Variants in MARCHF1 observed in about 807,000 individuals in gnomAD.
MARCHF1 encodes membrane associated ring-CH-type finger 1.
Under a neutral mutation model 54.2 loss-of-function variants are expected in MARCHF1, and 40 were observed. That is an observed-to-expected ratio of 0.74 (90% confidence interval 0.57 to 0.96). The LOEUF is 0.96. Among genes scored for constraint, MARCHF1 ranks in the 40% least tolerant of loss-of-function variants. The pLI is 0.00. For missense variants in MARCHF1, 586 were observed against 656.5 expected (o/e 0.89, Z 1.17); for synonymous variants, 236 against 236.3 (o/e 1.00, Z 0.01).
At chr4:163,553,032 C>CAAAAAAA (rs778572383) in intron 8 of MARCHF1, among the ~76,000 whole-genome samples, 11 of 64,376 alleles carry the variant, frequency 1.7e-4, no homozygotes, top group East Asian at 4.9e-4. Flanking sequence ...GACTCCGTCT[C>CAAAAAAA]AAAAAAAAAA....
intron 1 of MARCHF1, among the ~76,000 whole-genome samples, chr4:164,272,961 T>C (rs893183306): frequency 1.1e-4 from 17 of 152,058 alleles, no homozygotes; most frequent in Middle Eastern, 3.2e-3. Context: ...CGATTGTACA[T>C]ACATGTTCTT....
intron 1 of MARCHF1, among the ~76,000 whole-genome samples, chr4:164,213,649 T>G (rs917494865): frequency 6.6e-6 from 1 of 152,120 alleles, no homozygotes; most frequent in Non-Finnish European, 1.5e-5. Flanking sequence ...TTTTAAAAAA[T>G]TAAAACCAAA....
At chr4:163,684,048 C>G (rs1487710342) in intron 5 of MARCHF1, among the ~76,000 whole-genome samples, 1 of 152,164 alleles carries the variant, frequency 6.6e-6, no homozygotes, top group Non-Finnish European at 1.5e-5. Flanking sequence ...GCCAGCATAG[C>G]CTTTATGCCT....
chr4:163,750,282 C>T (rs546567539), intron 4 of MARCHF1, among the ~76,000 whole-genome samples: 7 of 151,926 alleles, frequency 4.6e-5, no homozygotes, highest in South Asian at 2.1e-4. Flanking sequence ...GAGGCCGAGG[C>T]GGGCGGATCA....
chr4:163,848,901 T>C (rs1188700472), intron 4 of MARCHF1, among the ~76,000 whole-genome samples: 2 of 152,126 alleles, frequency 1.3e-5, no homozygotes. Context: ...ATCAGGTCAG[T>C]TATGGAGAAT....
At chr4:163,558,001 G>A (rs2110965346) in intron 8 of MARCHF1, among the ~76,000 whole-genome samples, 1 of 152,258 alleles carries the variant, frequency 6.6e-6, no homozygotes, top group South Asian at 2.1e-4. Context: ...AAAGTCTTCT[G>A]ATACTTGAGC....
chr4:163,576,979 G>A (rs1254298573), intron 8 of MARCHF1, among the ~76,000 whole-genome samples: 1 of 151,984 alleles, frequency 6.6e-6, no homozygotes, highest in Non-Finnish European at 1.5e-5. Context: ...CTTGAAGAAA[G>A]CAGACAAATG....
chr4:163,729,658 ATTCCT>A (rs1259494078), intron 4 of MARCHF1, among the ~76,000 whole-genome samples: 1 of 152,124 alleles, frequency 6.6e-6, no homozygotes, highest in African/African-American at 2.4e-5. Context: ...TGTTTATAAC[ATTCCT>A]TTATTAACTT....
intron 1 of MARCHF1, among the ~76,000 whole-genome samples, chr4:164,229,282 C>T (rs1381931733): frequency 6.6e-6 from 1 of 152,064 alleles, no homozygotes; most frequent in Non-Finnish European, 1.5e-5. Flanking sequence ...ATTTCAGACG[C>T]GAGGTTATAA....
At chr4:163,675,372 A>C in intron 5 of MARCHF1, among the ~76,000 whole-genome samples, 1 of 152,236 alleles carries the variant, frequency 6.6e-6, no homozygotes, top group East Asian at 1.9e-4. Context: ...TATTTAAGTA[A>C]GTGAAAAATA....
At chr4:163,975,320 G>C (rs2110851173) in intron 3 of MARCHF1, among the ~76,000 whole-genome samples, 1 of 152,086 alleles carries the variant, frequency 6.6e-6, no homozygotes, top group Middle Eastern at 3.4e-3. Context: ...AGTGAGCATT[G>C]TTAATAGGAG....
chr4:164,101,842 G>C (rs1283725159), intron 2 of MARCHF1, among the ~76,000 whole-genome samples: 1 of 151,702 alleles, frequency 6.6e-6, no homozygotes, highest in Non-Finnish European at 1.5e-5. Flanking sequence ...TCAAACCAAA[G>C]GCAAATAAGT....
At chr4:163,583,215 C>G (rs1306629316) in intron 8 of MARCHF1, among the ~76,000 whole-genome samples, 3 of 152,200 alleles carry the variant, frequency 2.0e-5, no homozygotes, top group Non-Finnish European at 4.4e-5. Context: ...TACCACTTGG[C>G]TCCACTGGTT....
At chr4:163,563,734 G>A (rs900985005) in intron 8 of MARCHF1, among the ~76,000 whole-genome samples, 1 of 152,096 alleles carries the variant, frequency 6.6e-6, no homozygotes, top group Non-Finnish European at 1.5e-5. Context: ...GGATTAAATG[G>A]GGCTACGTAT....
chr4:163,833,663 A>G (rs547576635), intron 4 of MARCHF1, among the ~76,000 whole-genome samples: 25 of 152,262 alleles, frequency 1.6e-4, no homozygotes, highest in African/African-American at 5.8e-4. Context: ...CAAAACCAAA[A>G]TATTATTTAT....
At position 163,737,158 on chromosome 4, in the gene MARCHF1, TTCTTTC is replaced by T. The variant is rs1472638828; in HGVS notation, c.112-36301_112-36296del. Reference sequence around the variant, plus strand: ...TCACTTATCAGCGCTCGCAGCTTTTTTCTTTCTTTTTTTTTTTTTTTTTTCACATAT... The same window carrying T: ...TCACTTATCAGCGCTCGCAGCTTTTTTTTTTTTTTTTTTTTTTTCACATAT... On this transcript the variant is annotated intron_variant, in intron 4 of 9. Coordinates refer to ENST00000514618, the MANE Select transcript of MARCHF1 (RefSeq NM_001394959.1). Among the ~76,000 whole-genome samples the T allele has an allele frequency of 1.6e-3, 158 of 97,928 alleles. 3 individuals carry two copies. The highest frequency in any genetic ancestry group is 5.6e-3 in the African/African-American group (152 of 27,338). 64.2% of individuals were successfully genotyped at this position (97,928 alleles called of 152,430 possible). A position where few individuals can be genotyped will look rare whatever the true frequency, so the allele number is the denominator to read the frequency against.
At chr4:163,903,789 T>A (rs1033089795) in intron 3 of MARCHF1, among the ~76,000 whole-genome samples, 3 of 152,062 alleles carry the variant, frequency 2.0e-5, no homozygotes, top group African/African-American at 7.2e-5. Flanking sequence ...TTTTTTTGTA[T>A]TTTTTGTAGA....
In MARCHF1 at chr4:163,858,691, C is replaced by A. The variant is rs533191802; in HGVS notation, c.-38-4522G>T. 9.9e-5 allele frequency among the ~76,000 whole-genome samples: 15 copies of A among 152,246 alleles called. 1 individual carries two copies. In the South Asian group the frequency reaches 3.1e-3, roughly 32 times the overall value. On this transcript the variant is annotated intron_variant, in intron 3 of 9. Coordinates refer to ENST00000514618, the MANE Select transcript of MARCHF1 (RefSeq NM_001394959.1). ...AATTAGAGAAGTGAAAATGTGTGAG[C>A]CTGTGTGTGTTCTAAGAGTTACTCA...
chr4:164,128,903 A>G (rs764925136), intron 1 of MARCHF1, among the ~76,000 whole-genome samples: 4 of 152,138 alleles, frequency 2.6e-5, no homozygotes, highest in Non-Finnish European at 5.9e-5. Flanking sequence ...TACTAAGCCA[A>G]CACCCCAAGA....
Sources: allele counts gnomAD v4.1 joint callset (sites outside exome capture counted in the v4.1 genomes callset), GRCh38; gene constraint gnomAD v4.1.1; transcripts MANE v1.5; gene names NCBI Gene and HGNC (gene_info 2026-07-23, HGNC 2026-07-21).